STMP1: variants seen among roughly 807,000 people sequenced by gnomAD.
STMP1 encodes short transmembrane mitochondrial protein 1.
In STMP1, 7 loss-of-function variants were observed where a neutral mutation model predicts 7.0. The ratio of observed to expected loss-of-function variants is 1.01; its 90% CI spans 0.57 to 1.89. The LOEUF is 1.89. Ranked by LOEUF, STMP1 falls within the 40% of genes most tolerant of loss-of-function variation. The pLI is 0.00. For missense variants in STMP1, 45 were observed against 53.0 expected (o/e 0.85, Z 0.47); for synonymous variants, 19 against 18.4 (o/e 1.03, Z -0.08).
chr7:135,670,733 G>A (rs886856277), intron 1 of STMP1, among the ~76,000 whole-genome samples: 1 of 149,842 alleles, frequency 6.7e-6, no homozygotes, highest in African/African-American at 2.5e-5. Flanking sequence ...TATGTGCCCT[G>A]ATACCTGGCA....
At chr7:135,669,648 G>A (rs537689890) in intron 1 of STMP1, among the ~76,000 whole-genome samples, 80 of 152,198 alleles carry the variant, frequency 5.3e-4, no homozygotes, top group Non-Finnish European at 8.8e-4. Context: ...CATGTACCTC[G>A]GTACTTAACA....
chr7:135,663,716 G>T (rs1472649131), intron 1 of STMP1, among the ~76,000 whole-genome samples: 1 of 152,152 alleles, frequency 6.6e-6, no homozygotes, highest in African/African-American at 2.4e-5. Context: ...GTGCAGTAGT[G>T]CGATCTCGGC....
rs1383162092 is a variant in STMP1 at position 135,676,255 on chromosome 7, C to T, written c.*2090C>T. On this transcript the variant is annotated 3_prime_UTR_variant, in exon 3 of 3. Transcript: ENST00000507606. ...TTCATTTAATAGGTAAATTGCATGT[C>T]ACGGGTTTGTAGCTTATTCTTTCAG... 3 of 152,160 alleles carry T rather than the reference C, an allele frequency of 2.0e-5. No individual in the cohort carries two copies. Among genetic ancestry groups the T allele is most frequent in the Non-Finnish European group, 4.4e-5 (3 of 68,038 alleles). 9.4% of individuals were successfully genotyped at this position (152,160 alleles called of 1,614,324 possible). A position where few individuals can be genotyped will look rare whatever the true frequency, so the allele number is the denominator to read the frequency against.
chr7:135,663,874 G>T (rs1302341324), intron 1 of STMP1, among the ~76,000 whole-genome samples: 12 of 151,724 alleles, frequency 7.9e-5, no homozygotes, highest in African/African-American at 2.9e-4. Flanking sequence ...TCGATCTCCT[G>T]ACCTCGGGAT....
chr7:135,669,515 G>T (rs1795336208), intron 1 of STMP1, among the ~76,000 whole-genome samples: 1 of 152,108 alleles, frequency 6.6e-6, no homozygotes, highest in South Asian at 2.1e-4. Context: ...ATCCTTTCAT[G>T]GGGCTAAATA....
At chr7:135,665,233 C>T (rs373763306) in intron 1 of STMP1, among the ~76,000 whole-genome samples, 6 of 152,224 alleles carry the variant, frequency 3.9e-5, no homozygotes, top group Admixed American at 2.0e-4. Flanking sequence ...TTAAGCAGTG[C>T]GTTGTCATTA....
chr7:135,669,647 C>T (rs895239506), intron 1 of STMP1, among the ~76,000 whole-genome samples: 6 of 152,170 alleles, frequency 3.9e-5, no homozygotes, highest in Admixed American at 6.5e-5. Context: ...TCATGTACCT[C>T]GGTACTTAAC....
chr7:135,673,703 C>A (rs888897825), intron 2 of STMP1, among the ~76,000 whole-genome samples: 1 of 152,120 alleles, frequency 6.6e-6, no homozygotes, highest in Non-Finnish European at 1.5e-5. Context: ...CTTTGGGAGG[C>A]CGAGGTGGGC....
rs1339888364 is a variant in STMP1 at position 135,674,122 on chromosome 7, T to C, written c.101T>C (p.Ile34Thr). The C allele has an allele frequency of 1.3e-6, 2 of 1,550,872 alleles. No homozygotes were observed. The highest frequency in any genetic ancestry group is 2.7e-5 in the African/African-American group (2 of 72,986). Residue 34 changes from isoleucine (I) to threonine (T), a missense_variant, in exon 3 of 3, where the codon ATT becomes ACT. By Grantham distance (89) the Ile-to-Thr change is moderately conservative. Coordinates refer to ENST00000507606, the MANE Select transcript of STMP1 (RefSeq NM_001130929.2). ...IPNLAKKLEE[I>T]KKDLDAKKKP... ...AACCTGGCTAAAAAACTTGAAGAAATTAAAAAGGACTTGGATGCCAAGAAG... is the reference window on the plus strand; with the variant it reads ...AACCTGGCTAAAAAACTTGAAGAAACTAAAAAGGACTTGGATGCCAAGAAG...
intron 1 of STMP1, among the ~76,000 whole-genome samples, chr7:135,665,100 T>C (rs1030208231): frequency 2.0e-5 from 3 of 152,294 alleles, no homozygotes; most frequent in African/African-American, 7.2e-5. Flanking sequence ...ATTCAGATAG[T>C]GTTCAGTTTT....
At chr7:135,665,460 T>A (rs1008627352) in intron 1 of STMP1, 1 of 152,234 alleles carries the variant, frequency 6.6e-6, no homozygotes, top group Non-Finnish European at 1.5e-5. Context: ...ATTATTACTA[T>A]TTTTAATAGT....
chr7:135,672,852 T>C lies in STMP1; in HGVS notation c.69+46T>C, dbSNP rs1334865257. ...CTTCCTTGATTCCATGTAACTGTTT[T>C]AGAGTGACTTTTCTTTGTTTGAGGT... On this transcript the variant is annotated intron_variant, in intron 2 of 2. Transcript: ENST00000507606. 3.4e-6 allele frequency: 5 copies of C among 1,476,338 alleles called. No homozygotes were observed. The African/African-American group carries it at 7.0e-5, about 21-fold the overall frequency. The allele number at this position is 1,476,338 out of a possible 1,614,324, so 91.5% of individuals were successfully genotyped here.
rs1220335551 is a variant in STMP1 at position 135,672,951 on chromosome 7, C to T, written c.69+145C>T. The T allele has an allele frequency of 7.3e-6, 5 of 683,986 alleles. No homozygotes were observed. The African/African-American group carries it at 9.0e-5, about 12-fold the overall frequency. The allele number at this position is 683,986 out of a possible 1,614,324, so 42.4% of individuals were successfully genotyped here. A position where few individuals can be genotyped will look rare whatever the true frequency, so the allele number is the denominator to read the frequency against. On this transcript the variant is annotated intron_variant, in intron 2 of 2. Transcript: ENST00000507606. Reference sequence around the variant, plus strand: ...TCCTGAATATTGTAGAATGGTTTGCCATTGTTTGAAAAAGTAATCCAACTC... The same window carrying T: ...TCCTGAATATTGTAGAATGGTTTGCTATTGTTTGAAAAAGTAATCCAACTC...
At chr7:135,669,033 G>A (rs3112326) in intron 1 of STMP1, among the ~76,000 whole-genome samples, 52,505 of 152,132 alleles carry the variant, frequency 0.35, 9,579 homozygotes, top group East Asian at 0.49. Context: ...AGCAAGTAAC[G>A]TCTTACATGG....
chr7:135,673,814 G>A (rs1411519567), intron 2 of STMP1, among the ~76,000 whole-genome samples: 1 of 152,104 alleles, frequency 6.6e-6, no homozygotes, highest in African/African-American at 2.4e-5. Flanking sequence ...TGGCATGTCC[G>A]TGGTCCCAAC....
Position 135,674,419 on chromosome 7 carries a change from TG to T in STMP1, c.*255del. 1 of 391,394 alleles carries T rather than the reference TG, an allele frequency of 2.6e-6. No individual in the cohort carries two copies. The highest frequency in any genetic ancestry group is 7.9e-5 in the South Asian group (1 of 12,710). The allele number at this position is 391,394 out of a possible 1,614,324, so 24.2% of individuals were successfully genotyped here. ...GGAGGTTCTAAGACTGGAATTATGGTGCTAGATTAGTAAACATGACTTTTAA... is the reference window on the plus strand; with the variant it reads ...GGAGGTTCTAAGACTGGAATTATGGTCTAGATTAGTAAACATGACTTTTAA... On this transcript the variant is annotated 3_prime_UTR_variant, in exon 3 of 3. Transcript: ENST00000507606.
At chr7:135,666,036 G>A (rs761850971) in intron 1 of STMP1, among the ~76,000 whole-genome samples, 6 of 151,570 alleles carry the variant, frequency 4.0e-5, no homozygotes, top group African/African-American at 1.2e-4. Context: ...GGGTTCAAGC[G>A]ATTCTCCTGC....
intron 1 of STMP1, among the ~76,000 whole-genome samples, chr7:135,664,259 G>T (rs1319537861): frequency 6.6e-6 from 1 of 152,054 alleles, no homozygotes; most frequent in African/African-American, 2.4e-5. Flanking sequence ...AAACTGAGAG[G>T]ACATGATTCA....
At chr7:135,671,482 T>C (rs1225444505) in intron 1 of STMP1, among the ~76,000 whole-genome samples, 1 of 152,174 alleles carries the variant, frequency 6.6e-6, no homozygotes, top group African/African-American at 2.4e-5. Context: ...CTAGTTTGAA[T>C]TTATAAAATG....
Sources: gnomAD v4.1 joint callset for allele counts (sites outside exome capture counted in the v4.1 genomes callset) on GRCh38, gnomAD v4.1.1 for gene constraint, MANE v1.5 for transcripts, NCBI Gene and HGNC (gene_info 2026-07-23, HGNC 2026-07-21) for gene names.